The following ADAMDEC1 variants were observed in gnomAD, a reference collection of about 807,000 sequenced individuals.
ADAMDEC1 encodes the protein ADAM DEC1.
A neutral mutation model predicts 60.4 loss-of-function variants in ADAMDEC1; 62 were observed. The ratio of observed to expected loss-of-function variants is 1.03; its 90% CI spans 0.84 to 1.27. ADAMDEC1 has a LOEUF of 1.27. ADAMDEC1 is among the 50% of genes most tolerant of loss of function. ADAMDEC1 has a pLI of 0.00. For synonymous variants in ADAMDEC1, 210 were observed against 195.1 expected (o/e 1.08, Z -0.64); for missense variants, 595 against 565.0 (o/e 1.05, Z -0.54).
chr8:24,390,251 T>C (rs765112617), intron 1 of ADAMDEC1: 82 of 1,012,224 alleles, frequency 8.1e-5, no homozygotes, highest in Non-Finnish European at 9.8e-5. Flanking sequence ...AAGAATGTAA[T>C]ACGTTTACAT....
rs200386440 is a variant in ADAMDEC1, at chr8:24,398,522, G to A, written c.733G>A (p.Val245Met). 1.1e-5 allele frequency: 18 copies of A among 1,601,804 alleles called. No homozygotes were observed. The East Asian group carries it at 4.0e-4, about 36-fold the overall frequency. The change falls in exon 8 of 14, where the codon GTG becomes ATG. Residue 245 changes from valine (V) to methionine (M), a missense_variant. By Grantham distance (21) the Val-to-Met change is conservative. Transcript: ENST00000256412. ...NENLTLIRSF[V>M]FDVMNLLNVI... is the part of the protein sequence containing the mutation. ...GAATCTAACTCTGATAAGAAGCTTT[G>A]TGTTTGATGTGATGAACCTACTCAA...
At chr8:24,398,749 T>C in intron 8 of ADAMDEC1, 125 bp from the exon 9 acceptor site, 1 of 1,138,952 alleles carries the variant, frequency 8.8e-7, no homozygotes. Context: ...TTAAAATTTT[T>C]ACTTTCAAAA....
At chr8:24,395,364 A>C (rs1817579724) in intron 4 of ADAMDEC1, among the ~76,000 whole-genome samples, 1 of 152,222 alleles carries the variant, frequency 6.6e-6, no homozygotes, top group Admixed American at 6.5e-5. Flanking sequence ...AGTACTGTAC[A>C]TCCCAAGAGG....
Position 24,397,361 on chromosome 8 carries a change from G to A in ADAMDEC1, c.532G>A (p.Glu178Lys), listed in dbSNP as rs747636229. 34 of 1,614,024 alleles carry A rather than the reference G, an allele frequency of 2.1e-5. No homozygotes were observed. Among genetic ancestry groups the A allele is most frequent in the Non-Finnish European group, 2.9e-5 (34 of 1,179,950 alleles). Residue 178 changes from glutamate (E) to lysine (K), a missense_variant, in exon 6 of 14, where the codon GAG (glutamate) becomes AAG (lysine). Coordinates refer to ENST00000256412, the MANE Select transcript of ADAMDEC1 (RefSeq NM_014479.3). ...ACATGCCGTCTTTACATCTAACCAG[G>A]AGGAACAAGACCCAGCTAACCACAC... ...KEHAVFTSNQ[E>K]EQDPANHTCG...
chr8:24,397,288 T>C lies in ADAMDEC1; in HGVS notation c.459T>C (p.His153=). 2 of 1,613,390 alleles carry C rather than the reference T, an allele frequency of 1.2e-6. No homozygotes were observed. Among genetic ancestry groups the C allele is most frequent in the Non-Finnish European group, 1.7e-6 (2 of 1,179,786 alleles). ...CDGLRGYFTH[H]HQRYQIKPLK... ...CTCCCAGAGGATACTTCACACATCATCACCAAAGATACCAGATAAAACCTC... is the reference window on the plus strand; with the variant it reads ...CTCCCAGAGGATACTTCACACATCACCACCAAAGATACCAGATAAAACCTC... Residue 153 remains histidine, a synonymous_variant, in exon 6 of 14, where the codon CAT becomes CAC. Coordinates refer to ENST00000256412, the MANE Select transcript of ADAMDEC1 (RefSeq NM_014479.3).
At chr8:24,387,850 G>A (rs755991070) in intron 1 of ADAMDEC1, 3 of 152,190 alleles carry the variant, frequency 2.0e-5, no homozygotes, top group Non-Finnish European at 4.4e-5. Context: ...TGCAGACGCT[G>A]GCAGATGGAT....
At chr8:24,403,894 T>C in intron 12 of ADAMDEC1, 109 bp from the exon 13 acceptor site, 1 of 798,464 alleles carries the variant, frequency 1.3e-6, no homozygotes, top group Non-Finnish European at 2.0e-6. Flanking sequence ...CAGAGTAATT[T>C]ACCTTAAAAA....
intron 13 of ADAMDEC1, 101 bp downstream of exon 13, chr8:24,404,189 G>T: frequency 4.5e-5 from 44 of 976,192 alleles, no homozygotes; most frequent in Middle Eastern, 2.2e-4. Flanking sequence ...AAAACACAAT[G>T]TATTTTATAT....
rs576052612 is a variant in ADAMDEC1 at position 24,400,351 on chromosome 8, T to C, written c.1142+51T>C. 1.9e-6 allele frequency: 3 copies of C among 1,543,714 alleles called. No homozygotes were observed. In the South Asian group the frequency reaches 3.8e-5, roughly 19 times the overall value. ...GAGAGATATTTTCCAAATCTTTTTTTTTTCTGAAGACACATATTATTCTCT... is the reference window on the plus strand; with the variant it reads ...GAGAGATATTTTCCAAATCTTTTTTCTTTCTGAAGACACATATTATTCTCT... On this transcript the variant is annotated intron_variant, in intron 11 of 13. Coordinates refer to ENST00000256412, the MANE Select transcript of ADAMDEC1 (RefSeq NM_014479.3).
At chr8:24,397,632 T>C in intron 6 of ADAMDEC1, 51 bp from the exon 7 acceptor site, 1 of 1,556,960 alleles carries the variant, frequency 6.4e-7, no homozygotes, top group Non-Finnish European at 8.8e-7. Flanking sequence ...AGCTTTGGAA[T>C]CTTTTAGGAT....
At chr8:24,386,492 G>T (rs996586968) in intron 1 of ADAMDEC1, among the ~76,000 whole-genome samples, 1 of 152,168 alleles carries the variant, frequency 6.6e-6, no homozygotes, top group Non-Finnish European at 1.5e-5. Flanking sequence ...GGGATTGCAA[G>T]AAGGTTTTAC....
chr8:24,396,229 G>C (rs943146380), intron 5 of ADAMDEC1, among the ~76,000 whole-genome samples: 34 of 152,192 alleles, frequency 2.2e-4, no homozygotes, highest in Middle Eastern at 3.2e-3. Flanking sequence ...GAAAATAACA[G>C]GCCGGGTGCG....
At chr8:24,385,975 C>T (rs1411073955) in intron 1 of ADAMDEC1, among the ~76,000 whole-genome samples, 1 of 151,824 alleles carries the variant, frequency 6.6e-6, no homozygotes, top group Non-Finnish European at 1.5e-5. Context: ...CTTTTTTCCC[C>T]CCATTCCTCA....
In ADAMDEC1 at chr8:24,398,948, G is replaced by A; in HGVS notation, c.837G>A (p.Val279=). 1 of 1,613,830 alleles carries A rather than the reference G, an allele frequency of 6.2e-7. No individual in the cohort carries two copies. Among genetic ancestry groups the A allele is most frequent in the Non-Finnish European group, 8.5e-7 (1 of 1,179,872 alleles). ...GGTCTGATGGGGATAAGATAAAGGT[G>A]GTGCCCAGCGCAAGCACCACGTTTG... ...EIWSDGDKIK[V]VPSASTTFDN... The change falls in exon 9 of 14, where the codon GTG becomes GTA. Residue 279 remains valine (V), a synonymous_variant. Coordinates refer to ENST00000256412, the MANE Select transcript of ADAMDEC1 (RefSeq NM_014479.3).
chr8:24,399,262 G>C (rs1563356683), intron 9 of ADAMDEC1, 131 bp from the exon 10 acceptor site: 1 of 1,077,506 alleles, frequency 9.3e-7, no homozygotes, highest in Non-Finnish European at 1.4e-6. Flanking sequence ...CTAAGGAATA[G>C]TAGAAGTTTT....
Position 24,405,285 on chromosome 8 carries a change from C to A in ADAMDEC1, c.1407-7C>A, listed in dbSNP as rs375881034. ...TGGCTTCCAAATTTTATTTTTCCTT[C>A]AATCAGAGAGTGAATCCAAAAGTCT... On this transcript the variant is annotated splice_polypyrimidine_tract_variant and splice_region_variant and intron_variant, in intron 13 of 13. Transcript: ENST00000256412. The A allele has an allele frequency of 2.5e-6, 4 of 1,611,670 alleles. No individual in the cohort carries two copies. The highest frequency in any genetic ancestry group is 3.4e-6 in the Non-Finnish European group (4 of 1,178,780).
At chr8:24,391,984 T>C (rs563170922) in intron 1 of ADAMDEC1, among the ~76,000 whole-genome samples, 1 of 152,164 alleles carries the variant, frequency 6.6e-6, no homozygotes, top group South Asian at 2.1e-4. Flanking sequence ...TTTCTGGGCA[T>C]GGTGGTCCAG....
At chr8:24,392,147 T>C (rs1384143615) in intron 1 of ADAMDEC1, 115 bp from the exon 2 acceptor site, 3 of 656,466 alleles carry the variant, frequency 4.6e-6, no homozygotes, top group African/African-American at 3.7e-5. Flanking sequence ...GCTCTCTACA[T>C]AGGAATGTAG....
intron 1 of ADAMDEC1, chr8:24,387,543 T>C (rs1817325124): frequency 1.3e-5 from 2 of 152,188 alleles, no homozygotes; most frequent in African/African-American, 4.8e-5. Flanking sequence ...GCAAGCCTTC[T>C]TCTGGGAACC....
Sources: allele counts gnomAD v4.1 joint callset (sites outside exome capture counted in the v4.1 genomes callset), GRCh38; gene constraint gnomAD v4.1.1; transcripts MANE v1.5; gene names NCBI Gene and HGNC (gene_info 2026-07-23, HGNC 2026-07-21).